The following TCHP variants were observed in gnomAD, a reference collection of about 807,000 sequenced individuals.
TCHP encodes the protein trichoplein keratin filament binding.
Under a neutral mutation model 88.7 loss-of-function variants are expected in TCHP, and 81 were observed. The observed-to-expected ratio is 0.91, with a 90% CI of 0.76 to 1.10. The LOEUF (loss-of-function observed/expected upper bound fraction) is 1.10. Among genes scored for constraint, TCHP ranks in the 50% least tolerant of loss-of-function variants. The pLI, the probability that TCHP is intolerant of heterozygous loss-of-function variation, is 0.00. For missense variants in TCHP, 641 were observed against 632.1 expected (o/e 1.01, Z -0.15); for synonymous variants, 232 against 232.5 (o/e 1.00, Z 0.02).
intron 12 of TCHP, among the ~76,000 whole-genome samples, chr12:109,916,173 G>A (rs1870807941): frequency 6.6e-6 from 1 of 152,228 alleles, no homozygotes; most frequent in South Asian, 2.1e-4. Flanking sequence ...TGCCTAGAGT[G>A]CATTCCCCAG....
Position 109,911,170 on chromosome 12 carries a change from G to A in TCHP, c.987G>A (p.Lys329=). 1 of 1,593,976 alleles carries A rather than the reference G, an allele frequency of 6.3e-7. No homozygotes were observed. The highest frequency in any genetic ancestry group is 1.1e-5 in the South Asian group (1 of 87,610). Residue 329 remains lysine (K), a synonymous_variant, in exon 9 of 13, where the codon AAG becomes AAA. Coordinates refer to ENST00000405876, the MANE Select transcript of TCHP (RefSeq NM_001143852.2). ...TCATGGCCGATGTGGCCTGGATGAA[G>A]CAGGCCATTGAGGAGCAGCTGCAGC... The part of the protein sequence containing the change: ...EQVMADVAWM[K]QAIEEQLQLE...
At chr12:109,891,744 G>A in the TCHP span, among the ~76,000 whole-genome samples, 3 of 150,682 alleles carry the variant, frequency 2.0e-5, no homozygotes, top group African/African-American at 4.9e-5. Flanking sequence ...TGCTCTTGTC[G>A]CCCAGGCTGG....
the TCHP span, among the ~76,000 whole-genome samples, chr12:109,890,820 A>G: frequency 6.6e-6 from 1 of 152,018 alleles, no homozygotes; most frequent in Non-Finnish European, 1.5e-5. Context: ...GACCTTTTTC[A>G]TTCCATTCAG....
chr12:109,887,233 C>T, the TCHP span, among the ~76,000 whole-genome samples: 91 of 152,000 alleles, frequency 6.0e-4, no homozygotes, highest in African/African-American at 1.8e-3. Context: ...ACCATCCTGG[C>T]CAACATGGTG....
intron 9 of TCHP, among the ~76,000 whole-genome samples, chr12:109,911,633 AG>A (rs1870502239): frequency 6.7e-6 from 1 of 149,630 alleles, no homozygotes; most frequent in African/African-American, 2.5e-5. Flanking sequence ...AAAAAAAAAA[AG>A]AAGAAGAAGA....
At chr12:109,888,865 A>G in the TCHP span, among the ~76,000 whole-genome samples, 1 of 152,120 alleles carries the variant, frequency 6.6e-6, no homozygotes, top group Non-Finnish European at 1.5e-5. Flanking sequence ...TAGTATCACT[A>G]GGGCAAAATC....
At chr12:109,913,146 C>A in intron 10 of TCHP, 74 bp downstream of exon 10, 1 of 1,367,022 alleles carries the variant, frequency 7.3e-7, no homozygotes, top group East Asian at 2.3e-5. Context: ...GGTCAGTCAC[C>A]CTGCCAGATG....
chr12:109,881,655 C>T, the TCHP span, among the ~76,000 whole-genome samples: 3 of 152,200 alleles, frequency 2.0e-5, no homozygotes, highest in Non-Finnish European at 2.9e-5. Context: ...AGTACCTGGA[C>T]ACCTTCTACT....
At chr12:109,909,691 G>A (rs917873195) in intron 8 of TCHP, among the ~76,000 whole-genome samples, 9 of 152,194 alleles carry the variant, frequency 5.9e-5, no homozygotes, top group African/African-American at 1.7e-4. Flanking sequence ...ATGGCCGGGC[G>A]TGGCGGCTCA....
intron 9 of TCHP, among the ~76,000 whole-genome samples, chr12:109,911,611 CAAAAAAAA>C (rs1209414114): frequency 3.7e-4 from 17 of 45,524 alleles, no homozygotes; most frequent in Non-Finnish European, 6.9e-4. Context: ...GACTCTGTCT[CAAAAAAAA>C]AAAAAAAAAA....
chr12:109,909,269 A>T (rs996360309), intron 8 of TCHP, among the ~76,000 whole-genome samples: 2 of 152,240 alleles, frequency 1.3e-5, no homozygotes, highest in Non-Finnish European at 2.9e-5. Context: ...GTGTGTATAC[A>T]TAGATGGATA....
In TCHP at chr12:109,908,674, C is replaced by G; in HGVS notation, c.788C>G (p.Ala263Gly). 2 of 1,597,864 alleles carry G rather than the reference C, an allele frequency of 1.3e-6. No homozygotes were observed. Among genetic ancestry groups the G allele is most frequent in the Non-Finnish European group, 1.7e-6 (2 of 1,173,734 alleles). ...RLEEERKQME[A>G]FRQKAELGRF... ...GAGGAAGAGCGAAAGCAGATGGAAG[C>G]CTTCCGGCAGAAGGCAGAGCTGGGG... is the stretch of plus-strand genomic sequence containing the variant. The change falls in exon 7 of 13, where the codon GCC becomes GGC. Residue 263 changes from alanine (A) to glycine (G), a missense_variant. Physicochemically the swap from Ala to Gly is moderately conservative, Grantham distance 60. Transcript: ENST00000405876.
Position 109,916,572 on chromosome 12 carries a change from G to C in TCHP, c.1465-19G>C. ...ATACTGCTGATCTGATCACTCTTAT[G>C]TTTTCTTTCTTTTCTCAGCCTTACG... On this transcript the variant is annotated intron_variant, in intron 12 of 12. Coordinates refer to ENST00000405876, the MANE Select transcript of TCHP (RefSeq NM_001143852.2). 1.9e-6 allele frequency: 3 copies of C among 1,611,942 alleles called. No homozygotes were observed. In the East Asian group the frequency reaches 6.7e-5, roughly 36 times the overall value.
intron 9 of TCHP, among the ~76,000 whole-genome samples, chr12:109,911,808 T>C (rs1870514329): frequency 6.6e-6 from 1 of 151,920 alleles, no homozygotes; most frequent in African/African-American, 2.4e-5. Flanking sequence ...ATTATTTTTT[T>C]TTTTTTGAGA....
At position 109,903,293 on chromosome 12, in the gene TCHP, G is replaced by A. The variant is rs1301666219; in HGVS notation, c.188+79G>A. On this transcript the variant is annotated intron_variant, in intron 2 of 12. Coordinates refer to ENST00000405876, the MANE Select transcript of TCHP (RefSeq NM_001143852.2). The surrounding 1 kb of genome is among the most constrained non-coding windows in gnomAD (Gnocchi z 4.6). ...GGGGATGAGGCCTTAAGGATTTAGG[G>A]AGCGTAGGATTTGCCAGGCAGTATG... is the stretch of plus-strand genomic sequence containing the variant. The A allele has an allele frequency of 1.0e-5, 14 of 1,395,630 alleles. No individual in the cohort carries two copies. The highest frequency in any genetic ancestry group is 1.4e-5 in the Non-Finnish European group (14 of 1,019,196). The allele number at this position is 1,395,630 out of a possible 1,614,324, so 86.5% of individuals were successfully genotyped here. A position where few individuals can be genotyped will look rare whatever the true frequency, so the allele number is the denominator to read the frequency against.
At chr12:109,888,843 G>T in the TCHP span, among the ~76,000 whole-genome samples, 3 of 152,146 alleles carry the variant, frequency 2.0e-5, no homozygotes, top group East Asian at 1.9e-4. Flanking sequence ...CTAAAAGCCA[G>T]AAGTCCAAAA....
Position 109,914,457 on chromosome 12 carries a change from C to T in TCHP, c.1150C>T (p.Gln384Ter). ...CTGAGGTTAGGTTCTGACAGGGAGACAACAGCAAATACAAGAGAAGATTGA... is the reference window on the plus strand; with the variant it reads ...CTGAGGTTAGGTTCTGACAGGGAGATAACAGCAAATACAAGAGAAGATTGA... ...RLMSEVLTGR[Q>*]QQIQEKIEQN... Residue 384 changes from glutamine to a stop codon, truncating the protein, a stop_gained, in exon 11 of 13, where the codon CAA (glutamine) becomes TAA (stop). Coordinates refer to ENST00000405876, the MANE Select transcript of TCHP (RefSeq NM_001143852.2). LOFTEE classifies it high-confidence loss of function. The T allele has an allele frequency of 6.2e-7, 1 of 1,613,060 alleles. No homozygotes were observed. The highest frequency in any genetic ancestry group is 1.1e-5 in the South Asian group (1 of 90,964).
Position 109,905,494 on chromosome 12 carries a change from T to C in TCHP, c.456+701T>C, listed in dbSNP as rs1870076520. ...TGTGCCCGCCGACAGGGAGGGGTGC[T>C]GCGACAGCCCAGCCGGGGGTTGGTG... On this transcript the variant is annotated intron_variant, in intron 4 of 12. Coordinates refer to ENST00000405876, the MANE Select transcript of TCHP (RefSeq NM_001143852.2). This position sits in a 1 kb window ranked among gnomAD's most constrained non-coding sequence, Gnocchi z 4.0. 2.0e-5 allele frequency among the ~76,000 whole-genome samples: 3 copies of C among 152,156 alleles called. No homozygotes were observed. The highest frequency in any genetic ancestry group is 4.4e-5 in the Non-Finnish European group (3 of 68,026).
the TCHP span, among the ~76,000 whole-genome samples, chr12:109,889,936 G>A: frequency 6.6e-6 from 1 of 152,206 alleles, no homozygotes; most frequent in Non-Finnish European, 1.5e-5. Flanking sequence ...GGGCCCGTCT[G>A]CCGCCTCTCC....
Sources: gnomAD v4.1 joint callset for allele counts (sites outside exome capture counted in the v4.1 genomes callset) on GRCh38, gnomAD v4.1.1 for gene constraint, Gnocchi (gnomAD v3.1) non-coding constraint, MANE v1.5 for transcripts, NCBI Gene and HGNC (gene_info 2026-07-23, HGNC 2026-07-21) for gene names.